The following SLC39A12 variants were observed in gnomAD, a reference collection of about 807,000 sequenced individuals.
SLC39A12 encodes zinc transporter ZIP12.
A neutral mutation model predicts 71.1 loss-of-function variants in SLC39A12; 63 were observed. That is an observed-to-expected ratio of 0.89 (90% CI 0.72 to 1.09). The LOEUF (loss-of-function observed/expected upper bound fraction) is 1.09, where lower values mean the gene tolerates loss of function less well. SLC39A12 is among the 50% of genes least tolerant of loss of function. The pLI, the probability that SLC39A12 is intolerant of heterozygous loss-of-function variation, is 0.00. For synonymous variants in SLC39A12, 351 were observed against 301.3 expected (o/e 1.16, Z -1.71); for missense variants, 892 against 812.6 (o/e 1.10, Z -1.19).
At chr10:17,958,386 C>G (rs1564637638) in intron 2 of SLC39A12, among the ~76,000 whole-genome samples, 1 of 152,108 alleles carries the variant, frequency 6.6e-6, no homozygotes, top group South Asian at 2.1e-4. Context: ...ATAACATAAA[C>G]TCATTCAACG....
chr10:17,952,806 A>T (rs891807516), intron 1 of SLC39A12, among the ~76,000 whole-genome samples: 4 of 152,052 alleles, frequency 2.6e-5, no homozygotes, highest in Non-Finnish European at 5.9e-5. Flanking sequence ...TAAACTCAAC[A>T]TGATGTTGGT....
chr10:17,981,613 C>G, intron 6 of SLC39A12, 130 bp downstream of exon 6: 1 of 677,060 alleles, frequency 1.5e-6, no homozygotes, highest in Admixed American at 3.2e-5. Flanking sequence ...ATTTAATCCT[C>G]CTAACAATGC....
chr10:17,997,743 G>A (rs1239637277), intron 10 of SLC39A12, among the ~76,000 whole-genome samples: 2 of 152,126 alleles, frequency 1.3e-5, no homozygotes, highest in East Asian at 3.8e-4. Context: ...GACTTGTTTT[G>A]TATTACCTCA....
intron 4 of SLC39A12, among the ~76,000 whole-genome samples, chr10:17,976,754 T>A (rs1835120383): frequency 6.6e-6 from 1 of 152,230 alleles, no homozygotes; most frequent in African/African-American, 2.4e-5. Context: ...TTTCAGCAGT[T>A]TGACTGTAAT....
At chr10:17,970,227 T>A (rs1041867102) in intron 4 of SLC39A12, among the ~76,000 whole-genome samples, 9 of 152,162 alleles carry the variant, frequency 5.9e-5, no homozygotes, top group Admixed American at 5.9e-4. Context: ...ACGTGATTCC[T>A]CTAGTTTGGT....
chr10:17,991,773 T>C (rs1835553893), intron 8 of SLC39A12, among the ~76,000 whole-genome samples: 1 of 152,178 alleles, frequency 6.6e-6, no homozygotes, highest in South Asian at 2.1e-4. Flanking sequence ...ATTTCTTTTA[T>C]TATACCAGTA....
intron 12 of SLC39A12, among the ~76,000 whole-genome samples, chr10:18,019,533 C>T (rs998302455): frequency 1.3e-5 from 2 of 151,908 alleles, no homozygotes; most frequent in Non-Finnish European, 2.9e-5. Context: ...TGATTCTTTT[C>T]TGAAATTCAA....
intron 2 of SLC39A12, among the ~76,000 whole-genome samples, chr10:17,959,170 A>G (rs1280789833): frequency 6.6e-6 from 1 of 151,810 alleles, no homozygotes; most frequent in Non-Finnish European, 1.5e-5. Flanking sequence ...ATTTCAATGG[A>G]TTCGCTTTTT....
At chr10:18,037,891 G>A (rs565014361) in intron 12 of SLC39A12, among the ~76,000 whole-genome samples, 13 of 151,752 alleles carry the variant, frequency 8.6e-5, no homozygotes, top group Middle Eastern at 6.8e-3. Context: ...ATGGTGGTGC[G>A]TGCCTGTAGT....
At chr10:17,976,991 T>C (rs1835126822) in intron 4 of SLC39A12, among the ~76,000 whole-genome samples, 1 of 152,180 alleles carries the variant, frequency 6.6e-6, no homozygotes, top group Non-Finnish European at 1.5e-5. Context: ...TTCTTTTTTC[T>C]TTCTGTTCTT....
intron 12 of SLC39A12, among the ~76,000 whole-genome samples, chr10:18,026,048 G>T (rs993161470): frequency 1.3e-5 from 2 of 151,950 alleles, no homozygotes; most frequent in Non-Finnish European, 2.9e-5. Context: ...ATACATAATT[G>T]AATCCAATAT....
In SLC39A12 at chr10:17,995,643, T is replaced by A; in HGVS notation, c.1534-13T>A. 5 of 1,609,310 alleles carry A rather than the reference T, an allele frequency of 3.1e-6. No homozygotes were observed. The highest frequency in any genetic ancestry group is 2.5e-6 in the Non-Finnish European group (3 of 1,177,726). Reference sequence around the variant, plus strand: ...TACTTATCTTTCATCAGTTATTTTTTAATTTAAAATAGAAAAGCCCAGAAG... The same window carrying A: ...TACTTATCTTTCATCAGTTATTTTTAAATTTAAAATAGAAAAGCCCAGAAG... On this transcript the variant is annotated splice_polypyrimidine_tract_variant and intron_variant, in intron 9 of 12. Coordinates refer to ENST00000377369, the MANE Select transcript of SLC39A12 (RefSeq NM_001145195.2).
At chr10:18,029,160 C>G (rs770493685) in intron 12 of SLC39A12, among the ~76,000 whole-genome samples, 2 of 152,148 alleles carry the variant, frequency 1.3e-5, no homozygotes, top group Non-Finnish European at 2.9e-5. Context: ...CGTGAGCCAC[C>G]GTGCCCAGCC....
chr10:18,011,518 G>A (rs547135432), intron 12 of SLC39A12, among the ~76,000 whole-genome samples: 4 of 152,314 alleles, frequency 2.6e-5, no homozygotes, highest in East Asian at 1.9e-4. Flanking sequence ...GCCAGCAGTA[G>A]GCTATAAGTC....
chr10:17,999,293 T>TTA (rs1390933596), intron 10 of SLC39A12, among the ~76,000 whole-genome samples: 1 of 15,662 alleles, frequency 6.4e-5, no homozygotes, highest in Non-Finnish European at 1.9e-4. Context: ...GGACTCCATC[T>TTA]CAAAAAAAAA....
At chr10:17,998,037 C>T (rs1367272233) in intron 10 of SLC39A12, among the ~76,000 whole-genome samples, 1 of 152,190 alleles carries the variant, frequency 6.6e-6, no homozygotes, top group Non-Finnish European at 1.5e-5. Context: ...CTCGCTCTGT[C>T]ACCCAGGCTG....
chr10:18,039,517 C>G (rs995764236), intron 12 of SLC39A12, among the ~76,000 whole-genome samples: 6 of 152,094 alleles, frequency 3.9e-5, no homozygotes, highest in Non-Finnish European at 7.4e-5. Context: ...CAGTTGAGCC[C>G]CGGCATTTGT....
chr10:17,956,940 C>T (rs1554847833), intron 2 of SLC39A12, among the ~76,000 whole-genome samples: 1 of 152,138 alleles, frequency 6.6e-6, no homozygotes, highest in Non-Finnish European at 1.5e-5. Context: ...ATCCTTCCAG[C>T]TCTTTGTCAG....
Position 17,991,299 on chromosome 10 carries a change from A to T in SLC39A12, c.1418A>T (p.Asp473Val), listed in dbSNP as rs749579174. Residue 473 changes from aspartate to valine, a missense_variant, in exon 8 of 13, where the codon GAC (aspartate) becomes GTC (valine). Physicochemically the swap from Asp to Val is radical, Grantham distance 152 (BLOSUM62 -3). Transcript: ENST00000377369. Reference sequence around the variant, plus strand: ...TTTATTCTTCTTGTATCACCAAATGACAAGGTATATTTTTAAGTTTTATTT... The same window carrying T: ...TTTATTCTTCTTGTATCACCAAATGTCAAGGTATATTTTTAAGTTTTATTT... Reference protein sequence around the residue: ...KCFILLVSPNDKQGLSLVNGH... With the variant: ...KCFILLVSPNVKQGLSLVNGH... The T allele has an allele frequency of 6.3e-7, 1 of 1,578,280 alleles. No homozygotes were observed. The highest frequency in any genetic ancestry group is 1.2e-5 in the South Asian group (1 of 82,978).
Sources: allele counts gnomAD v4.1 joint callset (sites outside exome capture counted in the v4.1 genomes callset), GRCh38; gene constraint gnomAD v4.1.1; transcripts MANE v1.5; gene names NCBI Gene and HGNC (gene_info 2026-07-23, HGNC 2026-07-21).